Variants in ABLIM1 observed in about 807,000 individuals in gnomAD.
ABLIM1 encodes actin binding LIM protein 1.
ABLIM1 carries 40 observed loss-of-function variants against 107.0 expected under a neutral mutation model. The ratio of observed to expected loss-of-function variants is 0.37; its 90% CI spans 0.29 to 0.49. ABLIM1 has a LOEUF of 0.49. Among genes scored for constraint, ABLIM1 ranks in the 20% least tolerant of loss-of-function variants. The pLI is 0.97. For synonymous variants in ABLIM1, 357 were observed against 357.3 expected (o/e 1.00, Z 0.01); for missense variants, 857 against 1,008.5 (o/e 0.85, Z 2.04).
intron 6 of ABLIM1, among the ~76,000 whole-genome samples, chr10:114,539,605 C>T (rs141320561): frequency 6.6e-6 from 1 of 152,132 alleles, no homozygotes; most frequent in Non-Finnish European, 1.5e-5. Context: ...TTACACCCAC[C>T]ATGAGCTGCC....
intron 4 of ABLIM1, among the ~76,000 whole-genome samples, chr10:114,560,988 T>C (rs1049591234): frequency 1.3e-5 from 2 of 152,162 alleles, no homozygotes; most frequent in Non-Finnish European, 2.9e-5. Flanking sequence ...ACATTTGCAG[T>C]GAATGCATTA....
chr10:114,585,528 C>A (rs2074088657), intron 2 of ABLIM1, among the ~76,000 whole-genome samples: 2 of 152,182 alleles, frequency 1.3e-5, no homozygotes, highest in Admixed American at 1.3e-4. Flanking sequence ...CCCCTGCTTA[C>A]CTCTTCCAAA....
chr10:114,716,191 A>C (rs1333483000), intron 1 of ABLIM1, among the ~76,000 whole-genome samples: 2 of 152,250 alleles, frequency 1.3e-5, no homozygotes, highest in Admixed American at 1.3e-4. Flanking sequence ...GGAGTCCTCC[A>C]GGCCAGGGAA....
At chr10:114,614,353 G>A (rs11196804) in intron 1 of ABLIM1, among the ~76,000 whole-genome samples, 16,845 of 152,100 alleles carry the variant, frequency 0.11, 966 homozygotes, top group Middle Eastern at 0.13. Flanking sequence ...TGGGGAGGCT[G>A]AGACAGGAGA....
intron 1 of ABLIM1, among the ~76,000 whole-genome samples, chr10:114,621,256 C>T (rs1389250255): frequency 6.6e-6 from 1 of 152,200 alleles, no homozygotes; most frequent in East Asian, 1.9e-4. Flanking sequence ...CATAGTTCCC[C>T]TTTGAGTACA....
the ABLIM1 span, among the ~76,000 whole-genome samples, chr10:114,781,937 C>T: frequency 6.6e-6 from 1 of 151,916 alleles, no homozygotes; most frequent in South Asian, 2.1e-4. Context: ...GTGCTCTTGT[C>T]TTTTATCCTA....
chr10:114,598,442 G>A (rs1317742034), intron 2 of ABLIM1, among the ~76,000 whole-genome samples: 6 of 151,908 alleles, frequency 3.9e-5, no homozygotes, highest in Non-Finnish European at 8.8e-5. Context: ...ACAAAAATTA[G>A]CTGGGTGTGG....
intron 1 of ABLIM1, among the ~76,000 whole-genome samples, chr10:114,702,525 CTT>C (rs11374796): frequency 5.4e-5 from 7 of 129,556 alleles, no homozygotes; most frequent in Admixed American, 7.9e-5. Context: ...AGTAAGAACA[CTT>C]TTTTTTTTTT....
chr10:114,588,949 G>A (rs894845972), intron 2 of ABLIM1, among the ~76,000 whole-genome samples: 12 of 151,884 alleles, frequency 7.9e-5, no homozygotes, highest in African/African-American at 2.7e-4. Flanking sequence ...TTTATGTACC[G>A]CATAATGATA....
chr10:114,623,220 T>C (rs1434251446), intron 1 of ABLIM1, among the ~76,000 whole-genome samples: 2 of 152,052 alleles, frequency 1.3e-5, no homozygotes, highest in Non-Finnish European at 2.9e-5. Context: ...AACATAGGAG[T>C]GATGCCTGCA....
chr10:114,603,385 G>A (rs1045164062), intron 1 of ABLIM1, among the ~76,000 whole-genome samples: 1 of 152,134 alleles, frequency 6.6e-6, no homozygotes, highest in African/African-American at 2.4e-5. Context: ...AGGAGCAGGT[G>A]TAGTTTCAGG....
chr10:114,491,008 G>GTA (rs1347498391), intron 7 of ABLIM1, among the ~76,000 whole-genome samples: 86 of 86,488 alleles, frequency 9.9e-4, no homozygotes, highest in East Asian at 5.4e-3. Flanking sequence ...GTGTGTGTGT[G>GTA]TGTGTATATA....
chr10:114,557,671 G>GTTTTGTTTT lies in ABLIM1; in HGVS notation c.674-9896_674-9895insAAAACAAAA, dbSNP rs1555173409. 1.4e-4 allele frequency among the ~76,000 whole-genome samples: 10 copies of GTTTTGTTTT among 72,472 alleles called. 2 individuals carry two copies. Among genetic ancestry groups the GTTTTGTTTT allele is most frequent in the African/African-American group, 5.4e-4 (8 of 14,830 alleles). The allele number at this position is 72,472 out of a possible 152,430, so 47.5% of individuals were successfully genotyped here. ...TGACCCAATAGCTCCATAGTGAGGT[G>GTTTTGTTTT]TTTTTTTTTTTTTTTTTTTTTTGGA... On this transcript the variant is annotated intron_variant, in intron 4 of 22. Coordinates refer to ENST00000533213, the MANE Select transcript of ABLIM1 (RefSeq NM_002313.7).
upstream of ABLIM1, among the ~76,000 whole-genome samples, chr10:114,659,121 T>C (rs547293220): frequency 1.4e-4 from 22 of 152,310 alleles, no homozygotes; most frequent in Middle Eastern, 0.014. Flanking sequence ...TGTTCTAATA[T>C]AAATTCCTTT....
intron 13 of ABLIM1, among the ~76,000 whole-genome samples, chr10:114,452,633 C>T (rs545569854): frequency 2.6e-5 from 4 of 152,222 alleles, no homozygotes; most frequent in South Asian, 4.1e-4. Context: ...AAGCAAAAAA[C>T]AATATACTGC....
intron 6 of ABLIM1, among the ~76,000 whole-genome samples, chr10:114,541,811 C>G (rs2483572): frequency 1 from 152,319 of 152,322 alleles, 76,158 homozygotes; most frequent in Middle Eastern, 1. Context: ...AGAGTAAGCA[C>G]ATGTTTCTTC....
At chr10:114,705,180 A>T (rs912719794) in intron 1 of ABLIM1, among the ~76,000 whole-genome samples, 1 of 152,214 alleles carries the variant, frequency 6.6e-6, no homozygotes, top group African/African-American at 2.4e-5. Context: ...GATATTTAAG[A>T]CTTCTAGGGA....
chr10:114,784,204 G>A, the ABLIM1 span, among the ~76,000 whole-genome samples: 36 of 151,788 alleles, frequency 2.4e-4, no homozygotes, highest in African/African-American at 8.5e-4. Context: ...AAATTAGCCA[G>A]GCTCGGTGGT....
chr10:114,460,789 G>T (rs2063723464), intron 12 of ABLIM1, among the ~76,000 whole-genome samples: 1 of 152,172 alleles, frequency 6.6e-6, no homozygotes, highest in African/African-American at 2.4e-5. Context: ...GATCATATCT[G>T]AACCCAGATT....
Sources: gnomAD v4.1 joint callset for allele counts (sites outside exome capture counted in the v4.1 genomes callset) on GRCh38, gnomAD v4.1.1 for gene constraint, MANE v1.5 for transcripts, NCBI Gene and HGNC (gene_info 2026-07-23, HGNC 2026-07-21) for gene names.